SUMF1: variants seen among roughly 807,000 people sequenced by gnomAD.
The protein encoded by SUMF1 is sulfatase modifying factor 1.
A neutral mutation model predicts 47.6 loss-of-function variants in SUMF1; 48 were observed. The observed-to-expected ratio is 1.01, with a 90% CI of 0.80 to 1.28. The LOEUF is 1.28. Ranked by LOEUF, SUMF1 falls within the 50% of genes most tolerant of loss-of-function variation. The probability of loss-of-function intolerance (pLI) is 0.00; values close to 1 mark genes in which losing one functional copy is unlikely to be tolerated. For missense variants in SUMF1, 571 were observed against 485.4 expected (o/e 1.18, Z -1.66); for synonymous variants, 230 against 192.1 (o/e 1.20, Z -1.63).
intron 8 of SUMF1, among the ~76,000 whole-genome samples, chr3:4,252,439 TA>T (rs1214737892): frequency 3.9e-5 from 6 of 152,072 alleles, no homozygotes; most frequent in Non-Finnish European, 8.8e-5. Flanking sequence ...TCCCAAAATA[TA>T]AAAATAAAAT....
chr3:4,409,568 T>C (rs548210162), intron 7 of SUMF1, among the ~76,000 whole-genome samples: 1 of 152,298 alleles, frequency 6.6e-6, no homozygotes, highest in African/African-American at 2.4e-5. Context: ...TGCTTTTATC[T>C]GAGATGAAAA....
At chr3:4,341,787 A>G (rs1489387355) in intron 8 of SUMF1, among the ~76,000 whole-genome samples, 1 of 152,224 alleles carries the variant, frequency 6.6e-6, no homozygotes. Context: ...TTTTGTAGCT[A>G]TTAGACTTCT....
intron 8 of SUMF1, among the ~76,000 whole-genome samples, chr3:4,278,846 T>C (rs1465570933): frequency 6.6e-6 from 1 of 152,136 alleles, no homozygotes; most frequent in Non-Finnish European, 1.5e-5. Context: ...TAAAAACTTC[T>C]AAAAATAATA....
At chr3:4,253,902 G>C (rs927685368) in intron 8 of SUMF1, among the ~76,000 whole-genome samples, 8 of 150,168 alleles carry the variant, frequency 5.3e-5, no homozygotes, top group East Asian at 2.0e-4. Context: ...CTCCCAGCAC[G>C]CAGCTGGAGA....
chr3:4,267,468 C>T (rs1198577852), intron 8 of SUMF1, among the ~76,000 whole-genome samples: 14 of 152,126 alleles, frequency 9.2e-5, no homozygotes, highest in African/African-American at 3.4e-4. Flanking sequence ...GTGTATGTGT[C>T]GAGGAATTTA....
At chr3:4,047,620 T>TACACCA (rs1339487843) in intron 9 of SUMF1, among the ~76,000 whole-genome samples, 9 of 152,138 alleles carry the variant, frequency 5.9e-5, no homozygotes, top group Admixed American at 3.3e-4. Context: ...GTTCCTTTGC[T>TACACCA]ACACCATTCC....
At chr3:4,046,371 C>T (rs985151219) in intron 9 of SUMF1, among the ~76,000 whole-genome samples, 2 of 152,122 alleles carry the variant, frequency 1.3e-5, no homozygotes, top group Non-Finnish European at 2.9e-5. Context: ...ATTACCTGCC[C>T]CAGTCTCCCT....
chr3:4,358,058 A>T (rs1313643688), downstream of SUMF1, among the ~76,000 whole-genome samples: 1 of 152,198 alleles, frequency 6.6e-6, no homozygotes, highest in African/African-American at 2.4e-5. Context: ...ACTGCATTTT[A>T]AGCTGTAGGT....
At chr3:4,346,062 C>T (rs1699367003) in intron 8 of SUMF1, among the ~76,000 whole-genome samples, 1 of 152,168 alleles carries the variant, frequency 6.6e-6, no homozygotes, top group Non-Finnish European at 1.5e-5. Flanking sequence ...GACTTAGACT[C>T]CCACACAATA....
intron 1 of SUMF1, among the ~76,000 whole-genome samples, chr3:4,455,231 T>G (rs951500854): frequency 6.6e-6 from 1 of 152,160 alleles, no homozygotes; most frequent in Admixed American, 6.5e-5. Flanking sequence ...TCCTCATCTA[T>G]AAACAAGGGT....
At chr3:4,456,926 A>ATATCTATATACGTGTGTGTGTG (rs2079653946) in intron 1 of SUMF1, among the ~76,000 whole-genome samples, 2 of 125,680 alleles carry the variant, frequency 1.6e-5, no homozygotes, top group East Asian at 2.7e-4. Context: ...GTGTGTGTGT[A>ATATCTATATACGTGTGTGTGTG]TATATATACG....
At chr3:4,386,255 T>C (rs1700670366) in intron 7 of SUMF1, among the ~76,000 whole-genome samples, 1 of 152,210 alleles carries the variant, frequency 6.6e-6, no homozygotes, top group South Asian at 2.1e-4. Context: ...TTCATGAGCA[T>C]TGTCTCTTCA....
At chr3:4,052,600 A>G (rs1299319705) in intron 9 of SUMF1, among the ~76,000 whole-genome samples, 1 of 152,186 alleles carries the variant, frequency 6.6e-6, no homozygotes. Context: ...CTATGTGCTA[A>G]TAAGTTACGT....
At chr3:4,276,505 G>C (rs1453214685) in intron 8 of SUMF1, among the ~76,000 whole-genome samples, 1 of 152,062 alleles carries the variant, frequency 6.6e-6, no homozygotes, top group South Asian at 2.1e-4. Flanking sequence ...AAAATCATTT[G>C]TACCACCAGC....
intron 8 of SUMF1, among the ~76,000 whole-genome samples, chr3:4,315,362 T>A (rs1698594171): frequency 6.6e-6 from 1 of 152,208 alleles, no homozygotes; most frequent in Non-Finnish European, 1.5e-5. Flanking sequence ...CAGATACCCT[T>A]TTCTATGTCC....
intron 8 of SUMF1, among the ~76,000 whole-genome samples, chr3:4,365,850 G>A (rs1257133671): frequency 6.6e-6 from 1 of 152,078 alleles, no homozygotes; most frequent in Non-Finnish European, 1.5e-5. Context: ...TGCAGTGGCT[G>A]GTACCGGTTG....
At chr3:4,225,683 G>A (rs568251230) in intron 8 of SUMF1, among the ~76,000 whole-genome samples, 2 of 152,238 alleles carry the variant, frequency 1.3e-5, no homozygotes, top group South Asian at 2.1e-4. Context: ...CCTGAATCAT[G>A]AGCAGAGAGT....
chr3:4,093,774 T>A (rs1359794704), intron 8 of SUMF1, among the ~76,000 whole-genome samples: 7 of 151,996 alleles, frequency 4.6e-5, no homozygotes, highest in Non-Finnish European at 8.8e-5. Flanking sequence ...GGAAGAAGAA[T>A]AAAAAATTAA....
chr3:4,466,712 A>C (rs758631582), intron 1 of SUMF1, among the ~76,000 whole-genome samples: 1 of 152,208 alleles, frequency 6.6e-6, no homozygotes, highest in Non-Finnish European at 1.5e-5. Context: ...TGAGATCCTC[A>C]TTAAGAGAAC....
Sources: gnomAD v4.1 joint callset for allele counts (sites outside exome capture counted in the v4.1 genomes callset) on GRCh38, gnomAD v4.1.1 for gene constraint, MANE v1.5 for transcripts, NCBI Gene and HGNC (gene_info 2026-07-23, HGNC 2026-07-21) for gene names.